Variants in ESS2 observed in about 807,000 individuals in gnomAD.
ESS2 encodes the protein splicing factor ESS-2 homolog.
In ESS2, 31 loss-of-function variants were observed where a neutral mutation model predicts 52.0. The observed-to-expected ratio is 0.60, with a 90% CI of 0.45 to 0.81. The LOEUF is 0.81. Among genes scored for constraint, ESS2 ranks in the 30% least tolerant of loss-of-function variants. The pLI is 0.00. For synonymous variants in ESS2, 285 were observed against 259.2 expected (o/e 1.10, Z -0.95); for missense variants, 602 against 637.2 (o/e 0.94, Z 0.59).
intron 6 of ESS2, among the ~76,000 whole-genome samples, chr22:19,138,820 C>A (rs950593612): frequency 1.3e-5 from 2 of 152,212 alleles, no homozygotes; most frequent in East Asian, 1.9e-4. Context: ...CCAGCCACCC[C>A]CTGGGGCTGG....
intron 9 of ESS2, among the ~76,000 whole-genome samples, 181 bp downstream of exon 9, chr22:19,134,879 T>A (rs1440079612): frequency 6.6e-6 from 1 of 152,146 alleles, no homozygotes; most frequent in Non-Finnish European, 1.5e-5. Context: ...GGGCCTCTCA[T>A]CCTGTCCATG....
At chr22:19,140,848 T>C (rs1364474796) in intron 3 of ESS2, among the ~76,000 whole-genome samples, 1 of 152,234 alleles carries the variant, frequency 6.6e-6, no homozygotes, top group Non-Finnish European at 1.5e-5. Context: ...AGTGAAACCC[T>C]GACCATCTCT....
Position 19,131,114 on chromosome 22 carries a change from C to G in ESS2, c.*3082G>C. 2.5e-6 allele frequency: 1 copy of G among 402,684 alleles called. No individual in the cohort carries two copies. The highest frequency in any genetic ancestry group is 4.5e-6 in the Non-Finnish European group (1 of 221,864). The allele number at this position is 402,684 out of a possible 1,614,324, so 24.9% of individuals were successfully genotyped here. ...ACCAGAGTCCTGTCCTGGGGACAGG[C>G]TTCCTTCCAGCGGGCGGGGAGTGGG... is the stretch of plus-strand genomic sequence containing the variant. On this transcript the variant is annotated 3_prime_UTR_variant, in exon 10 of 10. Transcript: ENST00000252137. The surrounding 1 kb of genome is among the most constrained non-coding windows in gnomAD (Gnocchi z 5.7).
intron 1 of ESS2, chr22:19,144,174 A>C: frequency 9.1e-7 from 1 of 1,102,038 alleles, no homozygotes; most frequent in Non-Finnish European, 1.1e-6. Flanking sequence ...CAGCATTCAC[A>C]CTTGCTGCCA....
intron 7 of ESS2, chr22:19,137,814 G>C: frequency 1.1e-5 from 11 of 985,404 alleles, no homozygotes; most frequent in Non-Finnish European, 1.3e-5. Flanking sequence ...GAGCACAGAG[G>C]CCAGAGTGCA....
In ESS2 at chr22:19,134,391, C is replaced by G; in HGVS notation, c.1236G>C (p.Arg412=). The G allele has an allele frequency of 2.5e-6, 4 of 1,611,454 alleles. No homozygotes were observed. The highest frequency in any genetic ancestry group is 3.4e-6 in the Non-Finnish European group (4 of 1,178,986). The part of the protein sequence containing the change: ...VSRTASKYTD[R]ALRASYTPSP... ...ATGGTGTGTAGCTGGCCCGCAGGGC[C>G]CGGTCTGTGTACTTGCTGGCCGTCC... The change falls in exon 10 of 10, where the codon CGG becomes CGC. Residue 412 remains arginine (R), a synonymous_variant. Transcript: ENST00000252137.
rs1008256623 is a variant in ESS2, at chr22:19,140,036, T to G, written c.401-12A>C. Reference sequence around the variant, plus strand: ...CTCTCCAGCCTCTCCTGCTTAGGGGTTGCGGGAGGAGGAACACAGCACCCT... The same window carrying G: ...CTCTCCAGCCTCTCCTGCTTAGGGGGTGCGGGAGGAGGAACACAGCACCCT... On this transcript the variant is annotated splice_polypyrimidine_tract_variant and intron_variant, in intron 3 of 9. Transcript: ENST00000252137. 4.3e-6 allele frequency: 7 copies of G among 1,612,512 alleles called. No individual in the cohort carries two copies. The highest frequency in any genetic ancestry group is 5.9e-6 in the Non-Finnish European group (7 of 1,179,752).
chr22:19,132,890 C>T lies in ESS2; in HGVS notation c.*1306G>A, dbSNP rs2083524627. On this transcript the variant is annotated 3_prime_UTR_variant, in exon 10 of 10. Transcript: ENST00000252137. This position sits in a 1 kb window ranked among gnomAD's most constrained non-coding sequence, Gnocchi z 4.2. Reference sequence around the variant, plus strand: ...CCACCCACCAGGCCCACACTGTCTCCCTCTGACCTGGCCTTGTCCCCAATG... The same window carrying T: ...CCACCCACCAGGCCCACACTGTCTCTCTCTGACCTGGCCTTGTCCCCAATG... The T allele has an allele frequency of 5.3e-6, 1 of 189,118 alleles. No individual in the cohort carries two copies. The highest frequency in any genetic ancestry group is 5.4e-5 in the Admixed American group (1 of 18,606). The allele number at this position is 189,118 out of a possible 1,614,324, so 11.7% of individuals were successfully genotyped here.
Position 19,131,247 on chromosome 22 carries a change from C to T in ESS2, c.*2949G>A. 1 of 647,968 alleles carries T rather than the reference C, an allele frequency of 1.5e-6. No homozygotes were observed. Among genetic ancestry groups the T allele is most frequent in the Non-Finnish European group, 2.7e-6 (1 of 370,448 alleles). 40.1% of individuals were successfully genotyped at this position (647,968 alleles called of 1,614,324 possible). A position where few individuals can be genotyped will look rare whatever the true frequency, so the allele number is the denominator to read the frequency against. On this transcript the variant is annotated 3_prime_UTR_variant, in exon 10 of 10. Coordinates refer to ENST00000252137, the MANE Select transcript of ESS2 (RefSeq NM_022719.3). The surrounding 1 kb of genome is among the most constrained non-coding windows in gnomAD (Gnocchi z 5.7). ...TTTATGAGTTCATTGGCTGAAGTCACCCGGAGACAATGCTGAGTGTTCCAC... is the reference window on the plus strand; with the variant it reads ...TTTATGAGTTCATTGGCTGAAGTCATCCGGAGACAATGCTGAGTGTTCCAC...
chr22:19,133,794 G>A lies in ESS2; in HGVS notation c.*402C>T, dbSNP rs2083533468. 1.1e-5 allele frequency: 2 copies of A among 182,384 alleles called. No homozygotes were observed. The highest frequency in any genetic ancestry group is 2.2e-5 in the Non-Finnish European group (2 of 88,984). The allele number at this position is 182,384 out of a possible 1,614,324, so 11.3% of individuals were successfully genotyped here. A position where few individuals can be genotyped will look rare whatever the true frequency, so the allele number is the denominator to read the frequency against. ...CCGCAGAAAGCAACGCCAGTCACCC[G>A]GTGCTCCCACAGCCGCCCCACCTGC... is the stretch of plus-strand genomic sequence containing the variant. On this transcript the variant is annotated 3_prime_UTR_variant, in exon 10 of 10. Transcript: ENST00000252137.
At chr22:19,144,366 T>G (rs970371110) in intron 1 of ESS2, 140 bp downstream of exon 1, 21 of 1,506,750 alleles carry the variant, frequency 1.4e-5, no homozygotes, top group Admixed American at 8.8e-5. Context: ...CCCTGTTTAC[T>G]TGACTCGTGG....
Position 19,136,031 on chromosome 22 carries a change from TAAAAAA to T in ESS2, c.1036-862_1036-857del, listed in dbSNP as rs377121962. ...GGCAACAGAGTGAAACCCTATCTGT[TAAAAAA>T]AAAAAAAAAAAAAAAAAAGAGGCGA... is the stretch of plus-strand genomic sequence containing the variant. On this transcript the variant is annotated intron_variant, in intron 8 of 9. Transcript: ENST00000252137. 8.3e-3 allele frequency among the ~76,000 whole-genome samples: 771 copies of T among 92,528 alleles called. 12 individuals carry two copies. The highest frequency in any genetic ancestry group is 0.032 in the African/African-American group (725 of 22,838). The allele number at this position is 92,528 out of a possible 152,430, so 60.7% of individuals were successfully genotyped here.
At chr22:19,141,574 C>A (rs1478258917) in intron 3 of ESS2, among the ~76,000 whole-genome samples, 1 of 152,188 alleles carries the variant, frequency 6.6e-6, no homozygotes, top group African/African-American at 2.4e-5. Context: ...GTGCAAGGCC[C>A]ACAACACCAC....
chr22:19,143,809 G>C (rs750729672), intron 1 of ESS2, among the ~76,000 whole-genome samples: 2 of 152,094 alleles, frequency 1.3e-5, no homozygotes, highest in African/African-American at 4.8e-5. Context: ...ACAGTAAGCC[G>C]AGATCGCGCC....
chr22:19,133,836 G>A lies in ESS2; in HGVS notation c.*360C>T, dbSNP rs2083533705. On this transcript the variant is annotated 3_prime_UTR_variant, in exon 10 of 10. Coordinates refer to ENST00000252137, the MANE Select transcript of ESS2 (RefSeq NM_022719.3). ...CCCACCTGCAGCTTCCTCACCTGGG[G>A]GGCCCCTCGCTTCAAGCCCCGCAGT... The A allele has an allele frequency of 9.2e-6, 2 of 216,908 alleles. No homozygotes were observed. The highest frequency in any genetic ancestry group is 4.5e-5 in the African/African-American group (2 of 44,074). 13.4% of individuals were successfully genotyped at this position (216,908 alleles called of 1,614,324 possible). A position where few individuals can be genotyped will look rare whatever the true frequency, so the allele number is the denominator to read the frequency against.
Position 19,130,607 on chromosome 22 carries a change from T to C in ESS2, c.*3589A>G, listed in dbSNP as rs1266013439. 7.7e-6 allele frequency: 3 copies of C among 387,106 alleles called. No individual in the cohort carries two copies. Among genetic ancestry groups the C allele is most frequent in the South Asian group, 6.3e-5 (3 of 47,266 alleles). The allele number at this position is 387,106 out of a possible 1,614,324, so 24.0% of individuals were successfully genotyped here. A position where few individuals can be genotyped will look rare whatever the true frequency, so the allele number is the denominator to read the frequency against. ...GCTGCCTTAGACTATCCAATTGATC[T>C]ATTCAAACAGCTGCCTGTTCCCTTA... On this transcript the variant is annotated 3_prime_UTR_variant, in exon 10 of 10. Coordinates refer to ENST00000252137, the MANE Select transcript of ESS2 (RefSeq NM_022719.3).
intron 7 of ESS2, chr22:19,137,849 G>T: frequency 1.0e-6 from 1 of 985,386 alleles, no homozygotes; most frequent in Non-Finnish European, 1.2e-6. Flanking sequence ...CATGCCACAA[G>T]ACCACCTGAG....
Position 19,134,157 on chromosome 22 carries a change from G to A in ESS2, c.*39C>T. 6.8e-7 allele frequency: 1 copy of A among 1,475,560 alleles called. No homozygotes were observed. The highest frequency in any genetic ancestry group is 9.0e-7 in the Non-Finnish European group (1 of 1,113,410). 91.4% of individuals were successfully genotyped at this position (1,475,560 alleles called of 1,614,324 possible). A position where few individuals can be genotyped will look rare whatever the true frequency, so the allele number is the denominator to read the frequency against. On this transcript the variant is annotated 3_prime_UTR_variant, in exon 10 of 10. Transcript: ENST00000252137. ...TGCTGGGTGTACAGCTGCCCTGCAG[G>A]CTCTGTGAAGCGTCTATGAGCCCAG...
In ESS2 at chr22:19,143,838, C is replaced by T. The variant is rs143708133; in HGVS notation, c.135+668G>A. 4.8e-3 allele frequency among the ~76,000 whole-genome samples: 728 copies of T among 152,294 alleles called. 8 individuals carry two copies. The highest frequency in any genetic ancestry group is 0.017 in the African/African-American group (707 of 41,560). On this transcript the variant is annotated intron_variant, in intron 1 of 9. Coordinates refer to ENST00000252137, the MANE Select transcript of ESS2 (RefSeq NM_022719.3). Reference sequence around the variant, plus strand: ...TCGCGCCACTGCACTCCAGCCTGGACGACGAGCGAGACTCCGTCTCAAAAA... The same window carrying T: ...TCGCGCCACTGCACTCCAGCCTGGATGACGAGCGAGACTCCGTCTCAAAAA...
Sources: allele counts gnomAD v4.1 joint callset (sites outside exome capture counted in the v4.1 genomes callset), GRCh38; gene constraint gnomAD v4.1.1; non-coding constraint Gnocchi (gnomAD v3.1); transcripts MANE v1.5; gene names NCBI Gene and HGNC (gene_info 2026-07-23, HGNC 2026-07-21).